Variants in CDKL4 observed in about 807,000 individuals in gnomAD.
The protein encoded by CDKL4 is cyclin dependent kinase like 4, also known as cyclin-dependent kinase-like 4.
Under a neutral mutation model 42.0 loss-of-function variants are expected in CDKL4, and 44 were observed. The observed-to-expected ratio is 1.05, with a 90% CI of 0.82 to 1.35. CDKL4 has a LOEUF of 1.35. CDKL4 is among the 40% of genes most tolerant of loss of function. The probability of loss-of-function intolerance (pLI) is 0.00; values close to 1 mark genes in which losing one functional copy is unlikely to be tolerated. For synonymous variants in CDKL4, 120 were observed against 121.6 expected (o/e 0.99, Z 0.09); for missense variants, 393 against 369.9 (o/e 1.06, Z -0.51).
At chr2:39,207,795 A>C in intron 4 of CDKL4, among the ~76,000 whole-genome samples, 1 of 152,190 alleles carries the variant, frequency 6.6e-6, no homozygotes, top group African/African-American at 2.4e-5. Context: ...AGAAATTTAA[A>C]AGGGAGTAAA....
intron 5 of CDKL4, among the ~76,000 whole-genome samples, chr2:39,195,481 G>A (rs1676451372): frequency 6.6e-6 from 1 of 152,076 alleles, no homozygotes; most frequent in Non-Finnish European, 1.5e-5. Flanking sequence ...TTTGTTCTGT[G>A]TGTTTTTTAA....
intron 3 of CDKL4, 21 bp from the exon 4 acceptor site, chr2:39,213,493 G>A (rs1351645009): frequency 6.4e-7 from 1 of 1,572,646 alleles, no homozygotes; most frequent in East Asian, 2.2e-5. Context: ...AAATAAAAAA[G>A]GAAATGAAAA....
chr2:39,223,517 G>T (rs577863553), intron 3 of CDKL4, among the ~76,000 whole-genome samples: 1 of 147,582 alleles, frequency 6.8e-6, no homozygotes, highest in Admixed American at 6.9e-5. Context: ...AAAAAGTTTT[G>T]AATTTCCTTG....
chr2:39,246,002 G>T (rs569495956), upstream of CDKL4, among the ~76,000 whole-genome samples: 1 of 152,328 alleles, frequency 6.6e-6, no homozygotes, highest in Admixed American at 6.5e-5. Flanking sequence ...TTGGGAAAGA[G>T]AATTTTGGCT....
chr2:39,227,358 A>G (rs1366333066), intron 2 of CDKL4, among the ~76,000 whole-genome samples: 1 of 152,208 alleles, frequency 6.6e-6, no homozygotes, highest in African/African-American at 2.4e-5. Context: ...AGAGACTCAC[A>G]ATGCATGCCT....
chr2:39,234,441 T>G (rs1456998790), intron 1 of CDKL4, among the ~76,000 whole-genome samples: 1 of 151,704 alleles, frequency 6.6e-6, no homozygotes, highest in Non-Finnish European at 1.5e-5. Context: ...GAAAAAAAGG[T>G]AAAAGTTTAG....
At chr2:39,230,154 T>A (rs1679011456) in intron 1 of CDKL4, among the ~76,000 whole-genome samples, 1 of 152,282 alleles carries the variant, frequency 6.6e-6, no homozygotes, top group African/African-American at 2.4e-5. Flanking sequence ...CCAAGGTGGG[T>A]GGATCACCTG....
intron 8 of CDKL4, among the ~76,000 whole-genome samples, chr2:39,181,533 C>T (rs554492243): frequency 4.6e-5 from 7 of 152,082 alleles, no homozygotes; most frequent in East Asian, 1.9e-4. Context: ...TGAGTTGTAT[C>T]GCCGCAAAAA....
At chr2:39,244,261 A>T (rs1412876609), upstream of CDKL4, among the ~76,000 whole-genome samples, 3 of 152,206 alleles carry the variant, frequency 2.0e-5, no homozygotes, top group African/African-American at 7.2e-5. Flanking sequence ...CTCAGCTTGC[A>T]GGGAGCTGTG....
intron 3 of CDKL4, among the ~76,000 whole-genome samples, chr2:39,216,846 T>C (rs984126085): frequency 6.6e-6 from 1 of 152,138 alleles, no homozygotes; most frequent in African/African-American, 2.4e-5. Context: ...AGTAATTTCA[T>C]AGGAAAGTAA....
chr2:39,213,125 T>C (rs1480341015), intron 4 of CDKL4, among the ~76,000 whole-genome samples: 1 of 152,192 alleles, frequency 6.6e-6, no homozygotes, highest in East Asian at 1.9e-4. Context: ...TTTTTTCTCA[T>C]ATTTTGAACT....
chr2:39,227,238 A>G (rs993887551), intron 2 of CDKL4, among the ~76,000 whole-genome samples: 1 of 152,206 alleles, frequency 6.6e-6, no homozygotes, highest in African/African-American at 2.4e-5. Context: ...AGACAAATCA[A>G]CTTTCCAAAC....
At chr2:39,190,411 G>A (rs147559807) in exon 6 of CDKL4, 26 of 1,613,744 alleles carry the variant, frequency 1.6e-5, no homozygotes, top group Non-Finnish European at 1.6e-5. Context: ...CCCATATATC[G>A]ACTGAAGAAC....
intron 2 of CDKL4, among the ~76,000 whole-genome samples, chr2:39,226,681 G>C (rs1015419983): frequency 6.6e-6 from 1 of 151,628 alleles, no homozygotes; most frequent in Non-Finnish European, 1.5e-5. Context: ...TCCAAACTAG[G>C]GTAATGGGTA....
intron 3 of CDKL4, among the ~76,000 whole-genome samples, chr2:39,220,525 G>T (rs766468944): frequency 6.6e-6 from 1 of 152,160 alleles, no homozygotes; most frequent in Non-Finnish European, 1.5e-5. Flanking sequence ...CAGAGGGGAA[G>T]AAATATGACT....
chr2:39,242,335 C>T (rs1056072506), intron 1 of CDKL4, among the ~76,000 whole-genome samples: 7 of 152,244 alleles, frequency 4.6e-5, no homozygotes, highest in Admixed American at 3.3e-4. Flanking sequence ...CATGAGCCAC[C>T]CATGCCTGGC....
intron 3 of CDKL4, among the ~76,000 whole-genome samples, chr2:39,220,994 T>TTTTTG (rs1678304516): frequency 2.2e-5 from 1 of 44,826 alleles, no homozygotes; most frequent in African/African-American, 4.0e-5. Context: ...TTTTTTTTTT[T>TTTTTG]TTTTTTGTTT....
In CDKL4 at chr2:39,185,351, TGTATATATAC is replaced by T. The variant is rs1675717640; in HGVS notation, c.736-714_736-705del. ...ACACATATGTATATATATACACATA[TGTATATATAC>T]ATATATATATACATATGTATATATA... is the stretch of plus-strand genomic sequence containing the variant. On this transcript the variant is annotated intron_variant, in intron 7 of 9. Transcript: ENST00000451199. 8.9e-5 allele frequency among the ~76,000 whole-genome samples: 10 copies of T among 111,868 alleles called. 2 individuals are homozygous for T. Among genetic ancestry groups the T allele is most frequent in the Non-Finnish European group, 1.4e-4 (8 of 56,242 alleles). 73.4% of individuals were successfully genotyped at this position (111,868 alleles called of 152,430 possible). A position where few individuals can be genotyped will look rare whatever the true frequency, so the allele number is the denominator to read the frequency against.
chr2:39,233,314 A>G (rs1184216477), intron 1 of CDKL4, among the ~76,000 whole-genome samples: 1 of 152,128 alleles, frequency 6.6e-6, no homozygotes, highest in Non-Finnish European at 1.5e-5. Flanking sequence ...ACTACAAGGA[A>G]GGGGTGTAAA....
Sources: gnomAD v4.1 joint callset for allele counts (sites outside exome capture counted in the v4.1 genomes callset) on GRCh38, gnomAD v4.1.1 for gene constraint, MANE v1.5 for transcripts, NCBI Gene and HGNC (gene_info 2026-07-23, HGNC 2026-07-21) for gene names.